FBXO21: variants seen among roughly 807,000 people sequenced by gnomAD.
FBXO21 encodes F-box protein 21, also known as F-box only protein 21.
FBXO21 carries 32 observed loss-of-function variants against 76.6 expected under a neutral mutation model. That is an observed-to-expected ratio of 0.42 (90% CI 0.32 to 0.56). FBXO21 has a LOEUF of 0.56. FBXO21 is among the 20% of genes least tolerant of loss of function. The pLI is 0.16. For synonymous variants in FBXO21, 328 were observed against 311.5 expected (o/e 1.05, Z -0.56); for missense variants, 586 against 797.3 (o/e 0.73, Z 3.19).
intron 7 of FBXO21, among the ~76,000 whole-genome samples, chr12:117,168,542 AAAAT>A (rs1158653391): frequency 7.2e-5 from 11 of 152,028 alleles, no homozygotes; most frequent in African/African-American, 1.4e-4. Context: ...AAAAAAAAAT[AAAAT>A]AAATAAACCT....
intron 11 of FBXO21, chr12:117,154,331 T>A (rs896824190): frequency 4.6e-5 from 7 of 152,272 alleles, no homozygotes; most frequent in Admixed American, 1.3e-4. Flanking sequence ...TTTATCTTGA[T>A]GCTGCTGTTC....
intron 9 of FBXO21, among the ~76,000 whole-genome samples, chr12:117,160,925 C>T (rs1955969475): frequency 6.6e-6 from 1 of 152,244 alleles, no homozygotes; most frequent in Non-Finnish European, 1.5e-5. Context: ...TGAGCCACTG[C>T]ACCTGGCAGT....
intron 9 of FBXO21, among the ~76,000 whole-genome samples, chr12:117,159,310 G>GGA (rs563921839): frequency 8.4e-5 from 12 of 143,066 alleles, no homozygotes; most frequent in Admixed American, 5.5e-4. Flanking sequence ...GGATTAGGTG[G>GGA]AAAAAAAAAA....
chr12:117,149,586 C>G (rs1386624081), intron 11 of FBXO21, among the ~76,000 whole-genome samples: 1 of 152,220 alleles, frequency 6.6e-6, no homozygotes, highest in African/African-American at 2.4e-5. Flanking sequence ...CTGCTGCCAG[C>G]TTGCAGTGGG....
At chr12:117,171,824 C>T (rs1007298872) in intron 7 of FBXO21, among the ~76,000 whole-genome samples, 1 of 152,118 alleles carries the variant, frequency 6.6e-6, no homozygotes, top group Non-Finnish European at 1.5e-5. Flanking sequence ...ATATTTCTAC[C>T]TGTTGAACTA....
At chr12:117,159,419 G>C (rs1955953085) in intron 9 of FBXO21, among the ~76,000 whole-genome samples, 1 of 152,128 alleles carries the variant, frequency 6.6e-6, no homozygotes, top group African/African-American at 2.4e-5. Flanking sequence ...TGAGGCTGTG[G>C]CTCTGGGTGT....
intron 11 of FBXO21, among the ~76,000 whole-genome samples, chr12:117,150,871 C>CTGTGTGTGTGTG (rs372253197): frequency 0.11 from 13,969 of 127,542 alleles, 1,229 homozygotes; most frequent in East Asian, 0.19. Flanking sequence ...TGGCCATGGA[C>CTGTGTGTGTGTG]TGTGTGTGTG....
At chr12:117,189,449 G>A (rs1171731916) in intron 1 of FBXO21, 87 bp from the exon 2 acceptor site, 3 of 1,466,188 alleles carry the variant, frequency 2.0e-6, no homozygotes, top group Non-Finnish European at 2.9e-6. Flanking sequence ...AACAGGGACA[G>A]CAGTGGCGTC....
In FBXO21 at chr12:117,167,005, TTC is replaced by T; in HGVS notation, c.1084_1085del (p.Glu362MetfsTer83). On this transcript the variant is annotated frameshift_variant, in exon 8 of 12. Transcript: ENST00000622495. LOFTEE classifies it high-confidence loss of function. Reference sequence around the variant, plus strand: ...CGTGCTGGCCGATCAAGTACTCGCATTCTTTCACTGTCAGCTGCTTGCCTTTC... The same window carrying T: ...CGTGCTGGCCGATCAAGTACTCGCATTTTCACTGTCAGCTGCTTGCCTTTC... The part of the protein sequence containing the change: ...FGKGKQLTVK[E>X]CEYLIGQHVT... 6.2e-7 allele frequency: 1 copy of T among 1,614,150 alleles called. No individual in the cohort carries two copies. The highest frequency in any genetic ancestry group is 8.5e-7 in the Non-Finnish European group (1 of 1,180,002).
chr12:117,176,490 A>C (rs1956175008), intron 4 of FBXO21, among the ~76,000 whole-genome samples: 1 of 152,208 alleles, frequency 6.6e-6, no homozygotes, highest in Non-Finnish European at 1.5e-5. Context: ...AAAAGCAGGT[A>C]GAGGTTAAAT....
At chr12:117,161,874 T>C (rs1955981364) in intron 9 of FBXO21, among the ~76,000 whole-genome samples, 2 of 152,202 alleles carry the variant, frequency 1.3e-5, no homozygotes, top group South Asian at 4.1e-4. Context: ...TAACCGAGTG[T>C]TCCCAGAAGG....
At chr12:117,149,898 T>C (rs1955819427) in intron 11 of FBXO21, among the ~76,000 whole-genome samples, 1 of 152,036 alleles carries the variant, frequency 6.6e-6, no homozygotes, top group South Asian at 2.1e-4. Flanking sequence ...ATTCTGAACA[T>C]GGGCCCAGAA....
At chr12:117,180,278 T>C (rs1956215011) in intron 3 of FBXO21, among the ~76,000 whole-genome samples, 1 of 152,210 alleles carries the variant, frequency 6.6e-6, no homozygotes. Context: ...TCAATTCCAC[T>C]AGGTTGGTTA....
chr12:117,165,389 C>A, intron 9 of FBXO21, 96 bp downstream of exon 9: 1 of 1,224,488 alleles, frequency 8.2e-7, no homozygotes, highest in Non-Finnish European at 1.1e-6. Context: ...GTGTTTATTC[C>A]CCATGTTAAC....
intron 7 of FBXO21, among the ~76,000 whole-genome samples, chr12:117,170,065 C>T (rs1440627188): frequency 6.9e-6 from 1 of 145,012 alleles, no homozygotes; most frequent in East Asian, 2.1e-4. Flanking sequence ...AAGATCCAAA[C>T]TGTATCTAGA....
At chr12:117,157,740 C>T (rs937451706) in intron 10 of FBXO21, 133 bp downstream of exon 10, 45 of 635,616 alleles carry the variant, frequency 7.1e-5, no homozygotes, top group Middle Eastern at 9.4e-4. Flanking sequence ...GTCTTCCCCG[C>T]GGTGCGCACT....
chr12:117,176,815 C>G (rs1956179573), intron 4 of FBXO21, among the ~76,000 whole-genome samples: 1 of 151,452 alleles, frequency 6.6e-6, no homozygotes, highest in Non-Finnish European at 1.5e-5. Context: ...AGAATGGGAA[C>G]ATGACTATGA....
In FBXO21 at chr12:117,142,239, G is replaced by A. The variant is rs1296068714; in HGVS notation, c.*3848C>T. 2 of 152,170 alleles carry A rather than the reference G, an allele frequency of 1.3e-5. No individual in the cohort carries two copies. Among genetic ancestry groups the A allele is most frequent in the African/African-American group, 4.8e-5 (2 of 41,446 alleles). The allele number at this position is 152,170 out of a possible 1,614,324, so 9.4% of individuals were successfully genotyped here. A position where few individuals can be genotyped will look rare whatever the true frequency, so the allele number is the denominator to read the frequency against. Reference sequence around the variant, plus strand: ...TGGGTGTGAACAGCTGGAGCTCAGTGGTTCCTGGAGACTCAGGGACCACCT... The same window carrying A: ...TGGGTGTGAACAGCTGGAGCTCAGTAGTTCCTGGAGACTCAGGGACCACCT... On this transcript the variant is annotated 3_prime_UTR_variant, in exon 12 of 12. Coordinates refer to ENST00000622495, the MANE Select transcript of FBXO21 (RefSeq NM_015002.3).
chr12:117,151,233 C>A (rs1181955226), intron 11 of FBXO21, among the ~76,000 whole-genome samples: 1 of 151,952 alleles, frequency 6.6e-6, no homozygotes, highest in South Asian at 2.1e-4. Flanking sequence ...CAGAAGGAGG[C>A]GGGACAGGAG....
Sources: gnomAD v4.1 joint callset for allele counts (sites outside exome capture counted in the v4.1 genomes callset) on GRCh38, gnomAD v4.1.1 for gene constraint, MANE v1.5 for transcripts, NCBI Gene and HGNC (gene_info 2026-07-23, HGNC 2026-07-21) for gene names.